The following FTO variants were observed in gnomAD, a reference collection of about 807,000 sequenced individuals.
FTO encodes FTO alpha-ketoglutarate dependent dioxygenase, also known as alpha-ketoglutarate-dependent dioxygenase FTO.
FTO carries 47 observed loss-of-function variants against 63.9 expected under a neutral mutation model. The ratio of observed to expected loss-of-function variants is 0.74; its 90% CI spans 0.58 to 0.94. The LOEUF is 0.94. FTO is among the 40% of genes least tolerant of loss of function. The probability of loss-of-function intolerance (pLI) is 0.00; values close to 1 mark genes in which losing one functional copy is unlikely to be tolerated. For missense variants in FTO, 562 were observed against 618.1 expected, an observed-to-expected ratio of 0.91 and a Z score of 0.96; for synonymous variants, 207 against 224.4, an observed-to-expected ratio of 0.92 and a Z score of 0.69.
At chr16:53,840,506 AT>A (rs1272980493) in intron 3 of FTO, among the ~76,000 whole-genome samples, 1 of 152,058 alleles carries the variant, frequency 6.6e-6, no homozygotes, top group Non-Finnish European at 1.5e-5. Flanking sequence ...GTGTTGGCAA[AT>A]TTTTTTTGTA....
At chr16:53,771,714 A>C (rs118169962) in intron 1 of FTO, among the ~76,000 whole-genome samples, 247 of 152,244 alleles carry the variant, frequency 1.6e-3, no homozygotes, top group Non-Finnish European at 2.7e-3. Flanking sequence ...GAAAAAACCC[A>C]AACGCCCATC....
At chr16:54,022,806 T>C (rs1425714370) in intron 8 of FTO, among the ~76,000 whole-genome samples, 2 of 152,268 alleles carry the variant, frequency 1.3e-5, no homozygotes, top group Non-Finnish European at 2.9e-5. Context: ...TTGCAACGAA[T>C]TGTAATTGCA....
At chr16:53,759,935 T>G (rs181189066) in intron 1 of FTO, among the ~76,000 whole-genome samples, 171 of 152,164 alleles carry the variant, frequency 1.1e-3, no homozygotes, top group African/African-American at 4.0e-3. Flanking sequence ...GGCCAATGCT[T>G]CAGATAGTTA....
chr16:53,887,358 G>C (rs926297115), intron 6 of FTO, among the ~76,000 whole-genome samples: 4 of 152,120 alleles, frequency 2.6e-5, no homozygotes, highest in Non-Finnish European at 5.9e-5. Context: ...TCTGTGACTA[G>C]AGAATCTAGT....
At chr16:53,851,218 C>T (rs906189496) in intron 4 of FTO, among the ~76,000 whole-genome samples, 10 of 148,228 alleles carry the variant, frequency 6.7e-5, no homozygotes, top group Non-Finnish European at 1.3e-4. Context: ...GAGGCCAAGG[C>T]GGACGGATCT....
intron 7 of FTO, among the ~76,000 whole-genome samples, chr16:53,903,448 AG>A (rs1216271509): frequency 6.6e-6 from 1 of 151,978 alleles, no homozygotes; most frequent in African/African-American, 2.4e-5. Context: ...TAGTAGAGAC[AG>A]GGTTTTGTTA....
chr16:54,066,376 C>A (rs912838931), intron 8 of FTO, among the ~76,000 whole-genome samples: 1 of 152,204 alleles, frequency 6.6e-6, no homozygotes, highest in Non-Finnish European at 1.5e-5. Flanking sequence ...TTTAGACCGA[C>A]ACCCTTTCAT....
At chr16:53,704,530 A>C (rs1339563187) in intron 1 of FTO, among the ~76,000 whole-genome samples, 2 of 152,198 alleles carry the variant, frequency 1.3e-5, no homozygotes, top group African/African-American at 4.8e-5. Flanking sequence ...AGTTTACCGG[A>C]TTCTCAGATG....
intron 5 of FTO, among the ~76,000 whole-genome samples, chr16:53,875,849 C>T (rs1227740248): frequency 1.3e-5 from 2 of 152,104 alleles, no homozygotes; most frequent in African/African-American, 2.4e-5. Flanking sequence ...GCAGATAGCC[C>T]GGCTAAATTT....
rs1160651565 is a variant in FTO at position 53,826,090 on chromosome 16, C to G, written c.350C>G (p.Pro117Arg). The change falls in exon 3 of 9, where the codon CCC becomes CGC. Residue 117 changes from proline to arginine, a missense_variant. Transcript: ENST00000471389. ...CTGAACACCAGGCTCTTTACGGTCC[C>G]CTGGCCAGTGAAAGGGTCTAATATA... ...KYLNTRLFTV[P>R]WPVKGSNIKH... 3.7e-6 allele frequency: 6 copies of G among 1,613,998 alleles called. No homozygotes were observed. Among genetic ancestry groups the G allele is most frequent in the Non-Finnish European group, 5.1e-6 (6 of 1,180,040 alleles).
chr16:54,084,877 G>C (rs2086226971), intron 8 of FTO, among the ~76,000 whole-genome samples: 1 of 152,176 alleles, frequency 6.6e-6, no homozygotes, highest in African/African-American at 2.4e-5. Context: ...TATGTCCTCT[G>C]TACCCATTCC....
rs531790410 is a variant in FTO at position 53,731,769 on chromosome 16, A to T, written c.45+27540A>T. ...TGTACTTTTTTTTTTTTTTTTTGAG[A>T]CGGAGTCTCCCTCTTTTGCCCAGGC... is the stretch of plus-strand genomic sequence containing the variant. On this transcript the variant is annotated intron_variant, in intron 1 of 8. Coordinates refer to ENST00000471389, the MANE Select transcript of FTO (RefSeq NM_001080432.3). 4.2e-3 allele frequency among the ~76,000 whole-genome samples: 584 copies of T among 137,832 alleles called. 5 individuals carry two copies. Among genetic ancestry groups the T allele is most frequent in the African/African-American group, 0.013 (450 of 35,768 alleles). The allele number at this position is 137,832 out of a possible 152,430, so 90.4% of individuals were successfully genotyped here. A position where few individuals can be genotyped will look rare whatever the true frequency, so the allele number is the denominator to read the frequency against.
At chr16:53,984,911 A>G (rs2083631486) in intron 8 of FTO, 1 of 456,328 alleles carries the variant, frequency 2.2e-6, no homozygotes, top group African/African-American at 2.0e-5. Flanking sequence ...CACGGAGTAA[A>G]ATGATGGAAA....
intron 2 of FTO, among the ~76,000 whole-genome samples, chr16:53,824,228 G>A (rs11645828): frequency 5.3e-5 from 8 of 152,122 alleles, no homozygotes; most frequent in Non-Finnish European, 7.4e-5. Context: ...TCTGGCCTCC[G>A]CCTTCCTCTG....
intron 8 of FTO, among the ~76,000 whole-genome samples, chr16:54,077,836 G>A (rs1397955607): frequency 1.3e-5 from 2 of 152,158 alleles, no homozygotes; most frequent in Non-Finnish European, 2.9e-5. Flanking sequence ...CCAGATTAGT[G>A]GATTTGGGAA....
At chr16:53,742,044 G>C (rs778168790) in intron 1 of FTO, among the ~76,000 whole-genome samples, 1 of 152,182 alleles carries the variant, frequency 6.6e-6, no homozygotes, top group Non-Finnish European at 1.5e-5. Flanking sequence ...TCTGGGGAGA[G>C]TGGGGGGTAG....
At chr16:53,980,887 G>A (rs1475571928) in intron 8 of FTO, among the ~76,000 whole-genome samples, 2 of 152,176 alleles carry the variant, frequency 1.3e-5, no homozygotes, top group African/African-American at 4.8e-5. Context: ...ACCACTTGCT[G>A]ATACAGTTTA....
At chr16:53,862,538 C>CTTTTTTTTTTTTTTTTTTTTTT (rs371654853) in intron 4 of FTO, among the ~76,000 whole-genome samples, 1 of 130,402 alleles carries the variant, frequency 7.7e-6, no homozygotes, top group Non-Finnish European at 1.6e-5. Context: ...CTGTATCTTA[C>CTTTTTTTTTTTTTTTTTTTTTT]TTTTTTTTTT....
In FTO at chr16:53,919,075, C is replaced by T. The variant is rs79567280; in HGVS notation, c.1240-14910C>T. Among the ~76,000 whole-genome samples the T allele has an allele frequency of 8.9e-3, 1,349 of 152,170 alleles. 20 individuals are homozygous for T. The highest frequency in any genetic ancestry group is 0.031 in the African/African-American group (1,267 of 41,528). ...CGTATATGTTAGTTTTGGGCACAGG[C>T]GCCTGATGTCTGGGTTAGATTTGGC... On this transcript the variant is annotated intron_variant, in intron 7 of 8. Coordinates refer to ENST00000471389, the MANE Select transcript of FTO (RefSeq NM_001080432.3).
Sources: gnomAD v4.1 joint callset for allele counts (sites outside exome capture counted in the v4.1 genomes callset) on GRCh38, gnomAD v4.1.1 for gene constraint, MANE v1.5 for transcripts, NCBI Gene and HGNC (gene_info 2026-07-23, HGNC 2026-07-21) for gene names.